TIAM1: variants seen among roughly 807,000 people sequenced by gnomAD.
TIAM1 encodes TIAM Rac1 associated GEF 1.
TIAM1 carries 65 observed loss-of-function variants against 163.5 expected under a neutral mutation model. That is an observed-to-expected ratio of 0.40 (90% CI 0.33 to 0.49). TIAM1 has a LOEUF of 0.49. Ranked by LOEUF, TIAM1 falls within the 20% of genes least tolerant of loss-of-function variation. TIAM1 has a pLI of 0.77. For missense variants in TIAM1, 1,789 were observed against 2,044.7 expected (o/e 0.87, Z 2.41); for synonymous variants, 833 against 810.1 (o/e 1.03, Z -0.48).
intron 6 of TIAM1, among the ~76,000 whole-genome samples, chr21:31,228,255 A>AGGAGAAATAATCTGAT (rs2088174720): frequency 1.1e-5 from 1 of 88,030 alleles, no homozygotes; most frequent in African/African-American, 3.8e-5. Context: ...AAAAAAAAAA[A>AGGAGAAATAATCTGAT]AAAAGGAAGG....
chr21:31,130,768 C>A, intron 24 of TIAM1, 122 bp downstream of exon 24: 2 of 921,372 alleles, frequency 2.2e-6, no homozygotes, highest in Admixed American at 2.3e-5. Flanking sequence ...CTTAGCAATG[C>A]TTAAGAAAGA....
chr21:31,316,264 C>G (rs2075121182), intron 2 of TIAM1, among the ~76,000 whole-genome samples: 1 of 152,130 alleles, frequency 6.6e-6, no homozygotes, highest in African/African-American at 2.4e-5. Context: ...CACAGAGAAG[C>G]TGCCAGAATG....
At chr21:31,160,567 C>T in intron 16 of TIAM1, 1 of 398,606 alleles carries the variant, frequency 2.5e-6, no homozygotes, top group Non-Finnish European at 4.4e-6. Context: ...TTAATTCTAC[C>T]ACCTGACGTG....
chr21:31,154,083 C>G (rs995172565), intron 17 of TIAM1, among the ~76,000 whole-genome samples, 164 bp downstream of exon 17: 14 of 151,636 alleles, frequency 9.2e-5, no homozygotes, highest in African/African-American at 3.4e-4. Context: ...AAAAACAACT[C>G]AAAACAAGCT....
chr21:31,307,283 C>A (rs9974140), intron 2 of TIAM1, among the ~76,000 whole-genome samples: 4,261 of 152,284 alleles, frequency 0.028, 87 homozygotes, highest in Middle Eastern at 0.061. Context: ...ACCAGAGTAT[C>A]CACACCCTCA....
intron 2 of TIAM1, among the ~76,000 whole-genome samples, chr21:31,297,110 G>C (rs1015311035): frequency 1.3e-5 from 2 of 152,182 alleles, no homozygotes; most frequent in African/African-American, 4.8e-5. Flanking sequence ...TAAAAGAATG[G>C]CACTAGCGGT....
chr21:31,543,296 C>T (rs1375280183), intron 1 of TIAM1, among the ~76,000 whole-genome samples: 3 of 152,232 alleles, frequency 2.0e-5, no homozygotes, highest in African/African-American at 4.8e-5. Flanking sequence ...ACAGCCGCCA[C>T]CATTCCAAGC....
chr21:31,457,338 TTTAAA>T (rs1569348097), intron 2 of TIAM1, among the ~76,000 whole-genome samples: 1 of 152,188 alleles, frequency 6.6e-6, no homozygotes, highest in Non-Finnish European at 1.5e-5. Flanking sequence ...CTTCCTCATC[TTTAAA>T]TTAAAGGCAT....
intron 13 of TIAM1, among the ~76,000 whole-genome samples, chr21:31,189,117 C>T (rs1464541249): frequency 8.4e-6 from 1 of 118,942 alleles, no homozygotes; most frequent in African/African-American, 3.2e-5. Context: ...TGGAGTGGTG[C>T]GATCTCAGCT....
chr21:31,333,842 TA>T (rs138012669), intron 2 of TIAM1, among the ~76,000 whole-genome samples: 2,671 of 152,320 alleles, frequency 0.018, 61 homozygotes, highest in African/African-American at 0.061. Context: ...CCAAAGATGA[TA>T]TTCATAGCTA....
intron 1 of TIAM1, among the ~76,000 whole-genome samples, chr21:31,535,770 G>A (rs2048112694): frequency 6.6e-6 from 1 of 152,130 alleles, no homozygotes; most frequent in East Asian, 1.9e-4. Flanking sequence ...TTTGGCTGAT[G>A]TGTGAGTTTG....
intron 10 of TIAM1, among the ~76,000 whole-genome samples, chr21:31,210,592 A>AAGAAAGAAAGAAAGAAAGAAAG (rs1162520566): frequency 2.5e-4 from 22 of 88,742 alleles, no homozygotes; most frequent in Middle Eastern, 5.8e-3. Context: ...GAAAGAAAGA[A>AAGAAAGAAAGAAAGAAAGAAAG]AGAGAGAAAG....
chr21:31,215,516 G>C (rs1429289286), intron 9 of TIAM1, among the ~76,000 whole-genome samples: 2 of 144,644 alleles, frequency 1.4e-5, no homozygotes, highest in Non-Finnish European at 3.0e-5. Context: ...AGCTGAGATC[G>C]CGCCATTGCA....
At chr21:31,251,150 A>G (rs1209624243) in intron 5 of TIAM1, among the ~76,000 whole-genome samples, 1 of 151,780 alleles carries the variant, frequency 6.6e-6, no homozygotes, top group Non-Finnish European at 1.5e-5. Context: ...GGATGAGTCC[A>G]AAAAGATTTG....
At chr21:31,338,089 A>C (rs534495112) in intron 2 of TIAM1, among the ~76,000 whole-genome samples, 4 of 152,130 alleles carry the variant, frequency 2.6e-5, no homozygotes, top group Non-Finnish European at 5.9e-5. Context: ...CTCCGTGTCC[A>C]GACAGCCCTT....
At chr21:31,136,073 G>C in intron 22 of TIAM1, 32 bp from the exon 23 acceptor site, 1 of 1,570,404 alleles carries the variant, frequency 6.4e-7, no homozygotes, top group Non-Finnish European at 8.7e-7. Flanking sequence ...AAGCTTACTG[G>C]GTGGTGTTAT....
At chr21:31,291,044 T>C (rs1258732106) in intron 2 of TIAM1, among the ~76,000 whole-genome samples, 1 of 152,124 alleles carries the variant, frequency 6.6e-6, no homozygotes, top group Non-Finnish European at 1.5e-5. Flanking sequence ...CCGCACCATA[T>C]GTAGAAGAAG....
intron 16 of TIAM1, among the ~76,000 whole-genome samples, chr21:31,155,656 C>T (rs1333498783): frequency 6.6e-6 from 1 of 152,164 alleles, no homozygotes; most frequent in Non-Finnish European, 1.5e-5. Flanking sequence ...AGGCGCCCGC[C>T]ACCACGCCCG....
chr21:31,186,202 G>A (rs527564468), intron 14 of TIAM1, among the ~76,000 whole-genome samples: 18 of 152,302 alleles, frequency 1.2e-4, no homozygotes, highest in Non-Finnish European at 1.6e-4. Context: ...AGGATGTAGC[G>A]GGGAAGCGCT....
Sources: allele counts gnomAD v4.1 joint callset (sites outside exome capture counted in the v4.1 genomes callset), GRCh38; gene constraint gnomAD v4.1.1; transcripts MANE v1.5; gene names NCBI Gene and HGNC (gene_info 2026-07-23, HGNC 2026-07-21).